Variants in PIP5K1B observed in about 807,000 individuals in gnomAD.
PIP5K1B encodes phosphatidylinositol 4-phosphate 5-kinase type-1 beta.
Under a neutral mutation model 67.0 loss-of-function variants are expected in PIP5K1B, and 42 were observed. The ratio of observed to expected loss-of-function variants is 0.63; its 90% confidence interval spans 0.49 to 0.81. PIP5K1B has a LOEUF of 0.81. Ranked by LOEUF, PIP5K1B falls within the 30% of genes least tolerant of loss-of-function variation. PIP5K1B has a pLI of 0.00. For missense variants in PIP5K1B, 459 were observed against 646.3 expected (o/e 0.71, Z 3.14); for synonymous variants, 214 against 231.4 (o/e 0.92, Z 0.68).
intron 2 of PIP5K1B, among the ~76,000 whole-genome samples, chr9:68,770,921 T>C (rs1000590666): frequency 2.0e-5 from 3 of 152,178 alleles, no homozygotes; most frequent in Admixed American, 6.5e-5. Context: ...TAACTATATA[T>C]GACAGTCTGG....
At chr9:68,849,206 A>C (rs527837118) in intron 4 of PIP5K1B, among the ~76,000 whole-genome samples, 1 of 152,332 alleles carries the variant, frequency 6.6e-6, no homozygotes, top group African/African-American at 2.4e-5. Flanking sequence ...AAAGAGAGAG[A>C]ACAAGAACCC....
At chr9:68,994,213 C>T (rs1433563316) in intron 15 of PIP5K1B, among the ~76,000 whole-genome samples, 2 of 151,534 alleles carry the variant, frequency 1.3e-5, no homozygotes, top group East Asian at 1.9e-4. Flanking sequence ...GCTAATTTTT[C>T]GTGTTTTCAC....
intron 7 of PIP5K1B, among the ~76,000 whole-genome samples, chr9:68,890,694 GC>G (rs200244805): frequency 7.1e-6 from 1 of 140,764 alleles, no homozygotes; most frequent in African/African-American, 2.6e-5. Flanking sequence ...ATATAGAAAA[GC>G]CAAAAAAAAA....
In PIP5K1B at chr9:68,846,996, A is replaced by G. The variant is rs1475601693; in HGVS notation, c.70-16841A>G. Among the ~76,000 whole-genome samples, 4 of 152,356 alleles carry G rather than the reference A, an allele frequency of 2.6e-5. No individual in the cohort carries two copies. The East Asian group carries it at 7.7e-4, about 29-fold the overall frequency. ...AATTGAGGCACAAGTGGGAAAAAACATCCAGTGATCCCTACCCCAATAAGA... is the reference window on the plus strand; with the variant it reads ...AATTGAGGCACAAGTGGGAAAAAACGTCCAGTGATCCCTACCCCAATAAGA... On this transcript the variant is annotated intron_variant, in intron 4 of 15. Transcript: ENST00000265382.
At position 69,006,954 on chromosome 9, in the gene PIP5K1B, C is replaced by T. The variant is rs111269867; in HGVS notation, c.1621-1493C>T. Among the ~76,000 whole-genome samples the T allele has an allele frequency of 2.0e-3, 306 of 152,282 alleles. 1 individual carries two copies. Among genetic ancestry groups the T allele is most frequent in the African/African-American group, 7.0e-3 (291 of 41,544 alleles). On this transcript the variant is annotated intron_variant, in intron 15 of 15. Transcript: ENST00000265382. ...TCAGACTGAGGCTGAATGAAATCCA[C>T]CAGTCCACCTTAAAGACAGCTATCC...
chr9:68,946,979 T>C (rs1195733871), intron 14 of PIP5K1B, among the ~76,000 whole-genome samples: 1 of 152,220 alleles, frequency 6.6e-6, no homozygotes, highest in African/African-American at 2.4e-5. Flanking sequence ...TTATACCTTG[T>C]GGCACATAGT....
intron 8 of PIP5K1B, among the ~76,000 whole-genome samples, chr9:68,898,544 G>A (rs550244531): frequency 4.6e-5 from 7 of 152,240 alleles, no homozygotes; most frequent in South Asian, 2.1e-4. Flanking sequence ...TGGCTCCCAC[G>A]TGACAGACAA....
chr9:68,970,565 T>C (rs1829305324), intron 14 of PIP5K1B, among the ~76,000 whole-genome samples: 1 of 152,262 alleles, frequency 6.6e-6, no homozygotes, highest in Non-Finnish European at 1.5e-5. Context: ...CACCCAACTG[T>C]GAACTTTATT....
chr9:68,839,235 GC>G (rs1234426808), intron 4 of PIP5K1B, among the ~76,000 whole-genome samples: 1 of 151,692 alleles, frequency 6.6e-6, no homozygotes, highest in Non-Finnish European at 1.5e-5. Context: ...TTGGGCCTAT[GC>G]TTCTTCATTT....
intron 4 of PIP5K1B, among the ~76,000 whole-genome samples, chr9:68,861,449 A>G (rs1208515565): frequency 6.6e-6 from 1 of 152,224 alleles, no homozygotes; most frequent in Non-Finnish European, 1.5e-5. Context: ...AGCTTTGACT[A>G]CCTTCTGTTG....
intron 8 of PIP5K1B, among the ~76,000 whole-genome samples, chr9:68,898,361 T>C (rs974835351): frequency 2.6e-5 from 4 of 152,154 alleles, no homozygotes; most frequent in Non-Finnish European, 5.9e-5. Flanking sequence ...GTCCCCTTTC[T>C]TGAAGGCTTT....
At chr9:68,921,350 A>G (rs1489178771) in intron 11 of PIP5K1B, among the ~76,000 whole-genome samples, 1 of 152,190 alleles carries the variant, frequency 6.6e-6, no homozygotes, top group Non-Finnish European at 1.5e-5. Context: ...TACTGAGATC[A>G]AAAATTCCTC....
intron 6 of PIP5K1B, among the ~76,000 whole-genome samples, chr9:68,883,290 G>C (rs766955346): frequency 6.6e-6 from 1 of 152,032 alleles, no homozygotes; most frequent in Non-Finnish European, 1.5e-5. Context: ...GATTCCTCTC[G>C]GTTTTTATGG....
chr9:68,720,749 C>T (rs1398305241), intron 1 of PIP5K1B, among the ~76,000 whole-genome samples: 1 of 152,162 alleles, frequency 6.6e-6, no homozygotes, highest in Admixed American at 6.5e-5. Flanking sequence ...CAAATAACTT[C>T]CATACCTCCC....
intron 2 of PIP5K1B, among the ~76,000 whole-genome samples, chr9:68,804,872 A>G (rs1373119389): frequency 6.6e-6 from 1 of 152,250 alleles, no homozygotes; most frequent in Admixed American, 6.5e-5. Flanking sequence ...GAGTTAATTC[A>G]TGTAGTACTT....
intron 14 of PIP5K1B, among the ~76,000 whole-genome samples, chr9:68,948,739 A>G (rs866547863): frequency 1.3e-4 from 20 of 151,930 alleles, no homozygotes; most frequent in African/African-American, 4.6e-4. Context: ...AGAAGAAAAA[A>G]CATGGATTTA....
chr9:68,800,193 G>A (rs940625338), intron 2 of PIP5K1B, among the ~76,000 whole-genome samples: 2 of 152,194 alleles, frequency 1.3e-5, no homozygotes, highest in African/African-American at 4.8e-5. Context: ...CCTGTGGGCA[G>A]CAGGTGCCCG....
At chr9:68,825,786 G>A (rs903298850) in intron 4 of PIP5K1B, among the ~76,000 whole-genome samples, 3 of 152,170 alleles carry the variant, frequency 2.0e-5, no homozygotes, top group African/African-American at 7.2e-5. Flanking sequence ...TCTATAATGA[G>A]GAGTTCAAAA....
chr9:68,939,229 G>C (rs146182337), intron 13 of PIP5K1B, among the ~76,000 whole-genome samples: 1 of 152,270 alleles, frequency 6.6e-6, no homozygotes, highest in Non-Finnish European at 1.5e-5. Flanking sequence ...ATGGGTTGAG[G>C]GGTCACCTTC....
Sources: gnomAD v4.1 joint callset for allele counts (sites outside exome capture counted in the v4.1 genomes callset) on GRCh38, gnomAD v4.1.1 for gene constraint, MANE v1.5 for transcripts, NCBI Gene and HGNC (gene_info 2026-07-23, HGNC 2026-07-21) for gene names.